The following ITSN1 variants were observed in gnomAD, a reference collection of about 807,000 sequenced individuals.
ITSN1 encodes intersectin-1.
Under a neutral mutation model 239.8 loss-of-function variants are expected in ITSN1, and 58 were observed. That is an observed-to-expected ratio of 0.24 (90% CI 0.20 to 0.30). The LOEUF is 0.30. ITSN1 is among the 10% of genes least tolerant of loss of function. ITSN1 has a pLI of 1.00. For missense variants in ITSN1, 1,558 were observed against 2,103.3 expected (o/e 0.74, Z 5.07); for synonymous variants, 780 against 770.8 (o/e 1.01, Z -0.20).
chr21:33,849,101 C>T (rs746633523), intron 29 of ITSN1, among the ~76,000 whole-genome samples: 1 of 151,766 alleles, frequency 6.6e-6, no homozygotes, highest in Non-Finnish European at 1.5e-5. Context: ...ATTAGCTGGG[C>T]GTGGTGGCAT....
chr21:33,744,889 T>A (rs1338740989), intron 5 of ITSN1, among the ~76,000 whole-genome samples: 1 of 152,176 alleles, frequency 6.6e-6, no homozygotes, highest in Non-Finnish European at 1.5e-5. Context: ...AAGAAACCAG[T>A]TCATTACCTT....
intron 1 of ITSN1, among the ~76,000 whole-genome samples, chr21:33,668,342 G>GC (rs1180981176): frequency 1.3e-5 from 2 of 152,092 alleles, no homozygotes; most frequent in Non-Finnish European, 2.9e-5. Context: ...TGTGGTGTGG[G>GC]CCCCCCCAAG....
At chr21:33,685,000 A>T (rs542100824) in intron 1 of ITSN1, among the ~76,000 whole-genome samples, 3 of 152,220 alleles carry the variant, frequency 2.0e-5, no homozygotes, top group Admixed American at 2.0e-4. Flanking sequence ...AAAGGAGAGT[A>T]GTATCATTAC....
intron 1 of ITSN1, among the ~76,000 whole-genome samples, chr21:33,711,655 TG>T (rs2092421097): frequency 3.5e-5 from 1 of 28,758 alleles, no homozygotes; most frequent in East Asian, 6.2e-3. Flanking sequence ...CTGTGTGTTG[TG>T]TGTGTGTGTG....
chr21:33,787,990 GT>G (rs557537453), intron 16 of ITSN1, among the ~76,000 whole-genome samples: 1 of 151,846 alleles, frequency 6.6e-6, no homozygotes, highest in Non-Finnish European at 1.5e-5. Flanking sequence ...TACAGCATGG[GT>G]TTTTTTTCTT....
intron 1 of ITSN1, among the ~76,000 whole-genome samples, chr21:33,647,470 G>A (rs527920675): frequency 4.6e-5 from 7 of 151,320 alleles, no homozygotes; most frequent in Admixed American, 6.6e-5. Context: ...ATAATATTCC[G>A]TTTTATGGAT....
rs922245596 is a variant in ITSN1, at chr21:33,837,726, G to A, written c.3661+1094G>A. 6 of 985,726 alleles carry A rather than the reference G, an allele frequency of 6.1e-6. No homozygotes were observed. In the African/African-American group the frequency reaches 1.0e-4, roughly 17 times the overall value. The allele number at this position is 985,726 out of a possible 1,614,324, so 61.1% of individuals were successfully genotyped here. On this transcript the variant is annotated intron_variant, in intron 29 of 39. Transcript: ENST00000381318. ...CCTTGTACGATGCTCTAATCATATT[G>A]CATTTAATTTTATTTTGCACAGTGA...
rs1456539726 is a variant in ITSN1 at position 33,888,556 on chromosome 21, G to A, written c.*256G>A. Reference sequence around the variant, plus strand: ...AGGTCTCATTATGGCTTCTAGGGTCGCTGAAATCCCATAGCCCTCAACAGG... The same window carrying A: ...AGGTCTCATTATGGCTTCTAGGGTCACTGAAATCCCATAGCCCTCAACAGG... On this transcript the variant is annotated 3_prime_UTR_variant, in exon 40 of 40. Transcript: ENST00000381318. 5.4e-6 allele frequency: 2 copies of A among 371,196 alleles called. No homozygotes were observed. The highest frequency in any genetic ancestry group is 4.9e-5 in the East Asian group (1 of 20,470). 23.0% of individuals were successfully genotyped at this position (371,196 alleles called of 1,614,324 possible). A position where few individuals can be genotyped will look rare whatever the true frequency, so the allele number is the denominator to read the frequency against.
chr21:33,883,517 C>A, intron 35 of ITSN1, 33 bp from the exon 36 acceptor site: 2 of 1,609,836 alleles, frequency 1.2e-6, no homozygotes, highest in South Asian at 2.2e-5. Flanking sequence ...GACCCCCAGC[C>A]TCGCTTTGTA....
chr21:33,854,646 C>T (rs539566445), intron 29 of ITSN1, among the ~76,000 whole-genome samples: 15 of 152,346 alleles, frequency 9.8e-5, no homozygotes, highest in South Asian at 4.1e-4. Flanking sequence ...GAGTGAGCCC[C>T]GTGGCCTGCC....
At position 33,678,052 on chromosome 21, in the gene ITSN1, A is replaced by G. The variant is rs147404378; in HGVS notation, c.-33+35339A>G. 1.2e-4 allele frequency among the ~76,000 whole-genome samples: 19 copies of G among 152,274 alleles called. No homozygotes were observed. In the East Asian group the frequency reaches 3.5e-3, roughly 28 times the overall value. On this transcript the variant is annotated intron_variant, in intron 1 of 39. Transcript: ENST00000381318. ...CCCATTACATTTAAAATAAAATCCAAGCCTTACTATAAAAGATCCACTTGT... is the reference window on the plus strand; with the variant it reads ...CCCATTACATTTAAAATAAAATCCAGGCCTTACTATAAAAGATCCACTTGT...
chr21:33,874,814 A>G (rs1349573292), intron 33 of ITSN1, among the ~76,000 whole-genome samples: 6 of 151,776 alleles, frequency 4.0e-5, no homozygotes, highest in Middle Eastern at 3.2e-3. Flanking sequence ...ACGCCCAGCT[A>G]ATTTTTGTAT....
At chr21:33,657,000 C>T (rs552532822) in intron 1 of ITSN1, among the ~76,000 whole-genome samples, 43 of 152,284 alleles carry the variant, frequency 2.8e-4, no homozygotes, top group African/African-American at 9.4e-4. Context: ...GGATTACAGG[C>T]GTGAGCCACC....
intron 8 of ITSN1, among the ~76,000 whole-genome samples, chr21:33,759,822 G>A (rs897277214): frequency 3.3e-5 from 5 of 152,198 alleles, no homozygotes; most frequent in Admixed American, 1.3e-4. Context: ...TGGACAGGCC[G>A]GGCACAGTGA....
chr21:33,836,426 C>T lies in ITSN1; in HGVS notation c.3470-15C>T, dbSNP rs780532467. ...GGCGGGTGTGCAGCCGCTCACCCAG[C>T]CCTGTCTCCTGCAGTGTGCCAGGTG... is the stretch of plus-strand genomic sequence containing the variant. On this transcript the variant is annotated splice_polypyrimidine_tract_variant and intron_variant, in intron 28 of 39. Transcript: ENST00000381318. 5.1e-6 allele frequency: 8 copies of T among 1,579,788 alleles called. No homozygotes were observed. Among genetic ancestry groups the T allele is most frequent in the Non-Finnish European group, 6.0e-6 (7 of 1,158,806 alleles).
intron 9 of ITSN1, 146 bp from the exon 10 acceptor site, chr21:33,765,729 A>G (rs1427250160): frequency 2.8e-6 from 2 of 709,624 alleles, no homozygotes; most frequent in Non-Finnish European, 4.7e-6. Flanking sequence ...AGCAGTATAA[A>G]ATAGGTACTA....
intron 1 of ITSN1, among the ~76,000 whole-genome samples, chr21:33,708,676 G>T (rs1355595666): frequency 6.6e-6 from 1 of 152,180 alleles, no homozygotes; most frequent in African/African-American, 2.4e-5. Context: ...GTGAGCCACC[G>T]CACCCGGCCT....
chr21:33,727,707 A>T (rs906665025), intron 4 of ITSN1, among the ~76,000 whole-genome samples: 4 of 151,526 alleles, frequency 2.6e-5, no homozygotes, highest in African/African-American at 9.7e-5. Flanking sequence ...CATGGCGTTG[A>T]ACTAAGATGA....
intron 29 of ITSN1, among the ~76,000 whole-genome samples, chr21:33,847,468 A>G (rs958637082): frequency 1.3e-5 from 2 of 152,330 alleles, no homozygotes; most frequent in African/African-American, 4.8e-5. Context: ...ATTTCCTGAC[A>G]TATCACCAGC....
Sources: gnomAD v4.1 joint callset for allele counts (sites outside exome capture counted in the v4.1 genomes callset) on GRCh38, gnomAD v4.1.1 for gene constraint, MANE v1.5 for transcripts, NCBI Gene and HGNC (gene_info 2026-07-23, HGNC 2026-07-21) for gene names.